RAD17: variants seen among roughly 807,000 people sequenced by gnomAD.
RAD17 encodes RAD17 checkpoint clamp loader component.
Under a neutral mutation model 81.5 loss-of-function variants are expected in RAD17, and 31 were observed. The ratio of observed to expected loss-of-function variants is 0.38; its 90% confidence interval spans 0.29 to 0.51. RAD17 has a LOEUF of 0.51. RAD17 is among the 20% of genes least tolerant of loss of function. The pLI is 0.88. For missense variants in RAD17, 681 were observed against 781.2 expected, an observed-to-expected ratio of 0.87 and a Z score of 1.53; for synonymous variants, 261 against 266.2, an observed-to-expected ratio of 0.98 and a Z score of 0.19.
chr5:69,385,126 AT>A (rs1764111333), intron 8 of RAD17, among the ~76,000 whole-genome samples, 193 bp downstream of exon 8: 1 of 151,184 alleles, frequency 6.6e-6, no homozygotes, highest in Non-Finnish European at 1.5e-5. Context: ...CGCCCGGCTA[AT>A]TTTTTGTATT....
chr5:69,404,784 T>A (rs1327461264), intron 17 of RAD17, among the ~76,000 whole-genome samples: 5 of 142,600 alleles, frequency 3.5e-5, no homozygotes, highest in East Asian at 4.2e-4. Context: ...AAAAAAAAAA[T>A]AGATAAAATT....
chr5:69,386,409 G>GAAA lies in RAD17; in HGVS notation c.838_839insAAA (p.Ala280delinsGluThr). On this transcript the variant is annotated protein_altering_variant, in exon 11 of 19. Coordinates refer to ENST00000354868, the MANE Select transcript of RAD17 (RefSeq NM_133338.3). The stretch of plus-strand genomic sequence containing the variant: ...TATAAAACTTAGTTTCAACCCTGTG[G>GAAA]CACCAACAATTATGATGAAATTTCT... 6.3e-7 allele frequency: 1 copy of GAAA among 1,597,358 alleles called. No homozygotes were observed.
chr5:69,371,550 C>T lies in RAD17; in HGVS notation c.-183C>T, dbSNP rs750516826. 4.8e-6 allele frequency: 7 copies of T among 1,453,758 alleles called. No homozygotes were observed. The Admixed American group carries it at 1.4e-4, about 30-fold the overall frequency. 90.1% of individuals were successfully genotyped at this position (1,453,758 alleles called of 1,614,324 possible). On this transcript the variant is annotated 5_prime_UTR_variant, in exon 3 of 19. Coordinates refer to ENST00000354868, the MANE Select transcript of RAD17 (RefSeq NM_133338.3). ...ACTTTTCTTAGACCAAAGGTATCTT[C>T]CACAAAGGTATGATACACTGGAATG...
At position 69,391,908 on chromosome 5, in the gene RAD17, A is replaced by T; in HGVS notation, c.1084A>T (p.Lys362Ter). The change falls in exon 13 of 19, where the codon AAA (lysine) becomes TAA (stop). Residue 362 changes from lysine to a stop codon, truncating the protein, a stop_gained. Transcript: ENST00000354868. LOFTEE classifies it high-confidence loss of function. ...DAVLSKSKRRKKPDRVFENQE... is the reference protein window; with the variant it reads ...DAVLSKSKRR Reference sequence around the variant, plus strand: ...TGTGCTGTCAAAATCAAAACGAAGAAAAAAACCTGATAGGGTTTTTGAAAA... The same window carrying T: ...TGTGCTGTCAAAATCAAAACGAAGATAAAAACCTGATAGGGTTTTTGAAAA... The T allele has an allele frequency of 6.3e-7, 1 of 1,595,340 alleles. No homozygotes were observed.
chr5:69,392,161 CATA>C (rs1436283922), intron 13 of RAD17, 148 bp downstream of exon 13: 1 of 584,546 alleles, frequency 1.7e-6, no homozygotes, highest in African/African-American at 2.0e-5. Context: ...AGGCCTAAGA[CATA>C]GTAGGAAATC....
In RAD17 at chr5:69,369,852, G is replaced by A; in HGVS notation, c.-498G>A. 3 of 760,666 alleles carry A rather than the reference G, an allele frequency of 3.9e-6. No individual in the cohort carries two copies. The highest frequency in any genetic ancestry group is 5.5e-5 in the East Asian group (2 of 36,236). 47.1% of individuals were successfully genotyped at this position (760,666 alleles called of 1,614,324 possible). The stretch of plus-strand genomic sequence containing the variant: ...AGAGGCTCGGCGTTGAGCCCGGGTA[G>A]GGCCAGGTGGCTGCCCTTTCACCTA... On this transcript the variant is annotated 5_prime_UTR_variant, in exon 1 of 19. Transcript: ENST00000354868.
At chr5:69,398,113 TC>T (rs2150851632) in intron 16 of RAD17, among the ~76,000 whole-genome samples, 1 of 147,986 alleles carries the variant, frequency 6.8e-6, no homozygotes, top group East Asian at 2.0e-4. Flanking sequence ...CGAGACTCCA[TC>T]TAAAAAAAAA....
At chr5:69,402,939 C>CA (rs34387651) in intron 17 of RAD17, among the ~76,000 whole-genome samples, 129,947 of 152,110 alleles carry the variant, frequency 0.85, 56,750 homozygotes, top group Non-Finnish European at 0.95. Context: ...AGGAAATTAA[C>CA]TTAATACCGT....
chr5:69,388,044 A>T (rs1202816745), intron 11 of RAD17, among the ~76,000 whole-genome samples: 1 of 152,056 alleles, frequency 6.6e-6, no homozygotes, highest in Non-Finnish European at 1.5e-5. Context: ...TACATTCTCT[A>T]CTATAAGCAT....
At chr5:69,410,959 G>GTATA (rs1765935439) in intron 18 of RAD17, among the ~76,000 whole-genome samples, 3 of 119,084 alleles carry the variant, frequency 2.5e-5, no homozygotes, top group Non-Finnish European at 3.2e-5. Flanking sequence ...AAAAATAGAT[G>GTATA]TCTGTCTATA....
At chr5:69,398,722 C>T (rs977125721) in intron 16 of RAD17, among the ~76,000 whole-genome samples, 11 of 151,410 alleles carry the variant, frequency 7.3e-5, no homozygotes, top group Non-Finnish European at 1.3e-4. Flanking sequence ...AGGAGAATCG[C>T]GTGAACCCGG....
chr5:69,370,008 C>T (rs1230914727), intron 1 of RAD17, 75 bp downstream of exon 1: 6 of 398,772 alleles, frequency 1.5e-5, no homozygotes, highest in South Asian at 3.8e-5. Flanking sequence ...TTCAAGCTTT[C>T]CTGGGCTCTC....
At chr5:69,401,054 C>A (rs576223283) in intron 17 of RAD17, among the ~76,000 whole-genome samples, 64 of 127,768 alleles carry the variant, frequency 5.0e-4, no homozygotes, top group African/African-American at 1.7e-3. Context: ...ACTAAAAATA[C>A]AAAAAATTAG....
At chr5:69,373,642 T>TG in intron 4 of RAD17, among the ~76,000 whole-genome samples, 188 bp from the exon 5 acceptor site, 1 of 148,988 alleles carries the variant, frequency 6.7e-6, no homozygotes, top group East Asian at 2.0e-4. Context: ...ATTATACCAC[T>TG]GCAGTCCAGC....
intron 18 of RAD17, among the ~76,000 whole-genome samples, chr5:69,413,721 G>A (rs1766179620): frequency 6.6e-6 from 1 of 152,148 alleles, no homozygotes; most frequent in South Asian, 2.1e-4. Flanking sequence ...TTTCAATAGA[G>A]ATGGGTTTTT....
intron 15 of RAD17, among the ~76,000 whole-genome samples, chr5:69,394,897 C>CA (rs1442187384): frequency 6.6e-6 from 1 of 151,882 alleles, no homozygotes; most frequent in Non-Finnish European, 1.5e-5. Context: ...CCCATCTCTA[C>CA]AAAAAAATAC....
At chr5:69,369,490 T>C (rs767191734), upstream of RAD17, 18 of 1,611,226 alleles carry the variant, frequency 1.1e-5, no homozygotes, top group Admixed American at 3.3e-5. Flanking sequence ...GGAAGCAACA[T>C]GGTCCCCGCC....
At chr5:69,378,026 G>T (rs1763623703) in intron 6 of RAD17, among the ~76,000 whole-genome samples, 2 of 151,832 alleles carry the variant, frequency 1.3e-5, no homozygotes, top group South Asian at 4.1e-4. Context: ...TGAATTCCTG[G>T]CCTCAAGTAG....
chr5:69,371,274 TTA>T, intron 2 of RAD17, 103 bp downstream of exon 2: 1 of 524,600 alleles, frequency 1.9e-6, no homozygotes. Context: ...TTTGATACAG[TTA>T]TAGTCATTAA....
Sources: allele counts gnomAD v4.1 joint callset (sites outside exome capture counted in the v4.1 genomes callset), GRCh38; gene constraint gnomAD v4.1.1; transcripts MANE v1.5; gene names NCBI Gene and HGNC (gene_info 2026-07-23, HGNC 2026-07-21).